The following RIMS1 variants were observed in gnomAD, a reference collection of about 807,000 sequenced individuals.
The protein encoded by RIMS1 is regulating synaptic membrane exocytosis 1.
Under a neutral mutation model 214.1 loss-of-function variants are expected in RIMS1, and 83 were observed. The ratio of observed to expected loss-of-function variants is 0.39; its 90% CI spans 0.32 to 0.47. The LOEUF is 0.47. RIMS1 is among the 20% of genes least tolerant of loss of function. RIMS1 has a pLI of 0.99. For synonymous variants in RIMS1, 793 were observed against 786.8 expected, an observed-to-expected ratio of 1.01 and a Z score of -0.13; for missense variants, 2,050 against 2,161.8, an observed-to-expected ratio of 0.95 and a Z score of 1.03.
intron 6 of RIMS1, among the ~76,000 whole-genome samples, chr6:72,212,090 T>C (rs1648976232): frequency 6.6e-6 from 1 of 152,128 alleles, no homozygotes; most frequent in African/African-American, 2.4e-5. Context: ...ATTTTCTGTA[T>C]TGAAATCCAA....
chr6:71,916,052 T>G (rs1208636930), intron 1 of RIMS1, among the ~76,000 whole-genome samples: 3 of 152,120 alleles, frequency 2.0e-5, no homozygotes, highest in African/African-American at 7.2e-5. Context: ...TTGTGGGAGC[T>G]ACAATTCAAG....
chr6:71,923,332 A>G (rs1009016428), intron 1 of RIMS1, among the ~76,000 whole-genome samples: 1 of 152,208 alleles, frequency 6.6e-6, no homozygotes, highest in Non-Finnish European at 1.5e-5. Flanking sequence ...AGGCGTTAGA[A>G]TTCTCATTTA....
chr6:71,894,887 A>T (rs1033529904), intron 1 of RIMS1, among the ~76,000 whole-genome samples: 1 of 152,324 alleles, frequency 6.6e-6, no homozygotes, highest in African/African-American at 2.4e-5. Flanking sequence ...TAATGAATGA[A>T]AGATATTTTG....
rs767381431 is a variant in RIMS1, at chr6:71,952,712, G to A, written c.165-16271G>A. Among the ~76,000 whole-genome samples the A allele has an allele frequency of 3.3e-4, 51 of 152,298 alleles. No individual in the cohort carries two copies. In the Middle Eastern group the frequency reaches 0.01, roughly 31 times the overall value. ...GGATATCCCCACAGGGCTAAGTAAT[G>A]ATTCTGGAGCAGAGAGGAGAAATAT... On this transcript the variant is annotated intron_variant, in intron 1 of 33. Coordinates refer to ENST00000521978, the MANE Select transcript of RIMS1 (RefSeq NM_014989.7).
At chr6:72,289,323 A>G (rs1592121508) in intron 24 of RIMS1, among the ~76,000 whole-genome samples, 1 of 152,220 alleles carries the variant, frequency 6.6e-6, no homozygotes, top group Admixed American at 6.5e-5. Context: ...ATCACTGGAA[A>G]GGACTTGATC....
chr6:71,980,185 A>G (rs1490473628), intron 2 of RIMS1, among the ~76,000 whole-genome samples: 3 of 152,174 alleles, frequency 2.0e-5, no homozygotes, highest in East Asian at 1.9e-4. Flanking sequence ...GAGGCAAAAT[A>G]TAATGGTGGT....
At chr6:72,145,498 G>T (rs1237430251) in intron 4 of RIMS1, among the ~76,000 whole-genome samples, 2 of 152,160 alleles carry the variant, frequency 1.3e-5, no homozygotes, top group Admixed American at 6.5e-5. Context: ...TGTAGTCCCA[G>T]CTACTCAGGA....
chr6:72,284,183 C>G (rs1591900645), intron 24 of RIMS1, 65 bp downstream of exon 24: 2 of 1,358,364 alleles, frequency 1.5e-6, no homozygotes, highest in East Asian at 4.6e-5. Flanking sequence ...GGTGCTGTCA[C>G]TCTCATTTTA....
chr6:72,249,304 T>A (rs2071868726), intron 12 of RIMS1, among the ~76,000 whole-genome samples: 1 of 152,188 alleles, frequency 6.6e-6, no homozygotes, highest in South Asian at 2.1e-4. Flanking sequence ...ACTGATAAAA[T>A]TCCAATTCTT....
chr6:72,123,779 A>T (rs534070502), intron 4 of RIMS1, among the ~76,000 whole-genome samples: 1 of 151,882 alleles, frequency 6.6e-6, no homozygotes, highest in African/African-American at 2.4e-5. Flanking sequence ...GTTTTATCAG[A>T]GACTAGGATT....
intron 2 of RIMS1, among the ~76,000 whole-genome samples, chr6:72,018,642 T>C (rs1236220238): frequency 6.6e-6 from 1 of 152,078 alleles, no homozygotes; most frequent in Non-Finnish European, 1.5e-5. Context: ...AAAATAGCAA[T>C]GATCCCAGGT....
intron 1 of RIMS1, among the ~76,000 whole-genome samples, chr6:71,903,875 C>CA (rs1228465674): frequency 6.6e-6 from 1 of 151,944 alleles, no homozygotes; most frequent in East Asian, 1.9e-4. Flanking sequence ...ATTTCCATTT[C>CA]AAAAATTAAT....
chr6:72,314,647 A>C (rs957800052), intron 28 of RIMS1, among the ~76,000 whole-genome samples: 3 of 152,196 alleles, frequency 2.0e-5, no homozygotes, highest in African/African-American at 7.2e-5. Context: ...TGACTCTAAA[A>C]GAATATAAAG....
At chr6:72,020,532 G>A (rs1814288125) in intron 2 of RIMS1, among the ~76,000 whole-genome samples, 1 of 152,032 alleles carries the variant, frequency 6.6e-6, no homozygotes, top group Admixed American at 6.6e-5. Flanking sequence ...TGCCTCCTAG[G>A]GGTCTTCTCA....
At chr6:71,905,442 A>T (rs1774978010) in intron 1 of RIMS1, among the ~76,000 whole-genome samples, 1 of 152,106 alleles carries the variant, frequency 6.6e-6, no homozygotes, top group African/African-American at 2.4e-5. Context: ...AGGTAGAATT[A>T]ACATACATTA....
At chr6:72,252,116 C>G (rs559119569) in intron 15 of RIMS1, among the ~76,000 whole-genome samples, 1 of 152,026 alleles carries the variant, frequency 6.6e-6, no homozygotes, top group Non-Finnish European at 1.5e-5. Flanking sequence ...CTATTTTTTT[C>G]TGTACTTATT....
intron 4 of RIMS1, among the ~76,000 whole-genome samples, chr6:72,104,255 C>T (rs2034264472): frequency 6.6e-6 from 1 of 152,144 alleles, no homozygotes; most frequent in Non-Finnish European, 1.5e-5. Context: ...AGTTTTATCT[C>T]TCAGCCATAG....
rs1314222046 is a variant in RIMS1, at chr6:72,258,251, G to T, written c.2897G>T (p.Arg966Leu). 1.9e-6 allele frequency: 3 copies of T among 1,613,226 alleles called. No homozygotes were observed. The African/African-American group carries it at 4.0e-5, about 22-fold the overall frequency. Reference sequence around the variant, plus strand: ...CGCGGCAATGATCAGGGAAAGCCGCGTTCACGTTTACCAAATGTGCCATTA... The same window carrying T: ...CGCGGCAATGATCAGGGAAAGCCGCTTTCACGTTTACCAAATGTGCCATTA... ...PHRGNDQGKPRSRLPNVPLQR... is the reference protein window; with the variant it reads ...PHRGNDQGKPLSRLPNVPLQR... The change falls in exon 17 of 34, where the codon CGT becomes CTT. Residue 966 changes from arginine (R) to leucine (L), a missense_variant. Arg to Leu is a moderately radical substitution (Grantham distance 102). This residue lies in a region of RIMS1 where 889 missense variants were observed against 885.5 expected (regional missense o/e 1.00). Coordinates refer to ENST00000521978, the MANE Select transcript of RIMS1 (RefSeq NM_014989.7).
intron 1 of RIMS1, among the ~76,000 whole-genome samples, chr6:71,965,708 T>G (rs1456361833): frequency 6.6e-6 from 1 of 152,202 alleles, no homozygotes; most frequent in African/African-American, 2.4e-5. Context: ...AATGCTCACA[T>G]GCAGTTAGAA....
Sources: gnomAD v4.1 joint callset for allele counts (sites outside exome capture counted in the v4.1 genomes callset) on GRCh38, gnomAD v4.1.1 for gene constraint, gnomAD v4.1.1 regional missense constraint, MANE v1.5 for transcripts, NCBI Gene and HGNC (gene_info 2026-07-23, HGNC 2026-07-21) for gene names.